The following IKZF2 variants were observed in gnomAD, a reference collection of about 807,000 sequenced individuals.
IKZF2 encodes the protein IKAROS family zinc finger 2, also known as zinc finger protein Helios.
A neutral mutation model predicts 49.2 loss-of-function variants in IKZF2; 15 were observed. The observed-to-expected ratio is 0.30, with a 90% CI of 0.20 to 0.47. IKZF2 has a LOEUF of 0.47. Ranked by LOEUF, IKZF2 falls within the 20% of genes least tolerant of loss-of-function variation. The pLI is 1.00. For missense variants in IKZF2, 567 were observed against 664.6 expected (o/e 0.85, Z 1.61); for synonymous variants, 227 against 221.4 (o/e 1.03, Z -0.23).
Position 213,001,380 on chromosome 2 carries a change from T to A in IKZF2, c.*5980A>T, listed in dbSNP as rs1694890915. 2 of 151,942 alleles carry A rather than the reference T, an allele frequency of 1.3e-5. No individual in the cohort carries two copies. The highest frequency in any genetic ancestry group is 3.0e-5 in the Non-Finnish European group (2 of 67,586). 9.4% of individuals were successfully genotyped at this position (151,942 alleles called of 1,614,324 possible). A position where few individuals can be genotyped will look rare whatever the true frequency, so the allele number is the denominator to read the frequency against. ...ACTGTCTAGTCTTTCATGATATACATTTTTTGGAGGAAAGCCAAATCAGAA... is the reference window on the plus strand; with the variant it reads ...ACTGTCTAGTCTTTCATGATATACAATTTTTGGAGGAAAGCCAAATCAGAA... On this transcript the variant is annotated 3_prime_UTR_variant, in exon 9 of 9. Coordinates refer to ENST00000434687, the MANE Select transcript of IKZF2 (RefSeq NM_001387220.1).
At chr2:213,090,104 G>A (rs750895064) in intron 4 of IKZF2, among the ~76,000 whole-genome samples, 1 of 152,176 alleles carries the variant, frequency 6.6e-6, no homozygotes, top group Non-Finnish European at 1.5e-5. Flanking sequence ...GACCTCCTGA[G>A]CTGTGGATGC....
At chr2:213,100,427 C>T (rs1029038922) in intron 4 of IKZF2, among the ~76,000 whole-genome samples, 3 of 151,894 alleles carry the variant, frequency 2.0e-5, no homozygotes, top group African/African-American at 7.3e-5. Flanking sequence ...ACTAAAAATC[C>T]TTATTAATGG....
chr2:213,058,281 G>A (rs1208629731), intron 4 of IKZF2, among the ~76,000 whole-genome samples: 1 of 152,168 alleles, frequency 6.6e-6, no homozygotes, highest in East Asian at 1.9e-4. Context: ...TGTTTGCAAA[G>A]TACAGATGAA....
intron 4 of IKZF2, among the ~76,000 whole-genome samples, chr2:213,084,506 C>T (rs1305647816): frequency 6.6e-6 from 1 of 150,642 alleles, no homozygotes; most frequent in African/African-American, 2.4e-5. Context: ...AGGAAATGAA[C>T]ATATATGAAA....
intron 4 of IKZF2, among the ~76,000 whole-genome samples, chr2:213,118,574 T>C (rs2125817979): frequency 6.6e-6 from 1 of 152,368 alleles, no homozygotes; most frequent in East Asian, 1.9e-4. Context: ...TCAAAGTTCT[T>C]GTTTAGCTTT....
At chr2:213,142,070 G>A (rs998249527) in intron 4 of IKZF2, among the ~76,000 whole-genome samples, 1 of 151,916 alleles carries the variant, frequency 6.6e-6, no homozygotes, top group African/African-American at 2.4e-5. Context: ...GACTCTCTAA[G>A]AATTGATTCT....
intron 4 of IKZF2, among the ~76,000 whole-genome samples, chr2:213,142,048 AT>A (rs1255530090): frequency 2.6e-5 from 4 of 152,006 alleles, no homozygotes; most frequent in African/African-American, 9.7e-5. Context: ...ATGAGGTTAG[AT>A]TTTAGATGAG....
chr2:213,077,446 A>G (rs916154867), intron 4 of IKZF2, among the ~76,000 whole-genome samples: 3 of 152,170 alleles, frequency 2.0e-5, no homozygotes, highest in African/African-American at 7.2e-5. Context: ...AATGCTGTCA[A>G]TCAACAAAAT....
chr2:213,031,424 C>T (rs1298914883), intron 6 of IKZF2, among the ~76,000 whole-genome samples: 1 of 152,134 alleles, frequency 6.6e-6, no homozygotes, highest in Non-Finnish European at 1.5e-5. Flanking sequence ...TGTATGGGAC[C>T]TTTAAAGTAA....
At position 213,079,687 on chromosome 2, in the gene IKZF2, C is replaced by T. The variant is rs548594238; in HGVS notation, c.140-22588G>A. Reference sequence around the variant, plus strand: ...CAGTTGGGCAGGATACATTTGCCAGCCCAAGTAAAAATATGATTAAAATAG... The same window carrying T: ...CAGTTGGGCAGGATACATTTGCCAGTCCAAGTAAAAATATGATTAAAATAG... On this transcript the variant is annotated intron_variant, in intron 4 of 8. Transcript: ENST00000434687. 2.0e-5 allele frequency among the ~76,000 whole-genome samples: 3 copies of T among 152,202 alleles called. No homozygotes were observed. The South Asian group carries it at 6.2e-4, about 32-fold the overall frequency.
chr2:213,141,088 C>T (rs984517996), intron 4 of IKZF2, among the ~76,000 whole-genome samples: 2 of 151,934 alleles, frequency 1.3e-5, no homozygotes, highest in African/African-American at 2.4e-5. Flanking sequence ...CTGACAGAAC[C>T]TACCACCACC....
chr2:213,080,630 C>G (rs1218128677), intron 4 of IKZF2, among the ~76,000 whole-genome samples: 1 of 152,096 alleles, frequency 6.6e-6, no homozygotes, highest in Non-Finnish European at 1.5e-5. Flanking sequence ...TCAGAAAAGA[C>G]TTTTAAATAT....
At chr2:213,009,234 C>G (rs1432426669) in intron 8 of IKZF2, among the ~76,000 whole-genome samples, 3 of 152,066 alleles carry the variant, frequency 2.0e-5, no homozygotes, top group Non-Finnish European at 2.9e-5. Flanking sequence ...TATTTTACAT[C>G]AACATAATGT....
Position 213,113,934 on chromosome 2 carries a change from C to T in IKZF2, c.139+33774G>A, listed in dbSNP as rs560357928. On this transcript the variant is annotated intron_variant, in intron 4 of 8. Coordinates refer to ENST00000434687, the MANE Select transcript of IKZF2 (RefSeq NM_001387220.1). ...AAGGATGACAAGTGCTAGCAATGGC[C>T]AGAATGCCTATCTCCCACTGCAACT... Among the ~76,000 whole-genome samples, 4 of 152,206 alleles carry T rather than the reference C, an allele frequency of 2.6e-5. No homozygotes were observed. The East Asian group carries it at 7.7e-4, about 29-fold the overall frequency.
At chr2:213,142,274 C>A (rs1304888964) in intron 4 of IKZF2, among the ~76,000 whole-genome samples, 1 of 151,822 alleles carries the variant, frequency 6.6e-6, no homozygotes, top group Non-Finnish European at 1.5e-5. Flanking sequence ...TCTTTCTTAA[C>A]CAAAATCTTC....
intron 4 of IKZF2, among the ~76,000 whole-genome samples, chr2:213,070,607 T>C (rs1249757937): frequency 2.0e-5 from 3 of 152,136 alleles, no homozygotes. Context: ...CACTAGACAC[T>C]GTTAAGTATT....
chr2:213,079,982 A>C (rs1703749746), intron 4 of IKZF2, among the ~76,000 whole-genome samples: 1 of 152,204 alleles, frequency 6.6e-6, no homozygotes, highest in African/African-American at 2.4e-5. Context: ...CCAATTACCT[A>C]ATCTGATAAA....
At chr2:213,038,646 T>C (rs550859767) in intron 6 of IKZF2, among the ~76,000 whole-genome samples, 1 of 150,278 alleles carries the variant, frequency 6.7e-6, no homozygotes, top group African/African-American at 2.4e-5. Flanking sequence ...AAAAGAATTA[T>C]AAGAAAGACA....
intron 8 of IKZF2, among the ~76,000 whole-genome samples, chr2:213,012,738 G>C (rs957829476): frequency 6.6e-6 from 1 of 151,914 alleles, no homozygotes; most frequent in Non-Finnish European, 1.5e-5. Context: ...CCTTCTTTAA[G>C]TGTTTATTGA....
Sources: allele counts gnomAD v4.1 joint callset (sites outside exome capture counted in the v4.1 genomes callset), GRCh38; gene constraint gnomAD v4.1.1; transcripts MANE v1.5; gene names NCBI Gene and HGNC (gene_info 2026-07-23, HGNC 2026-07-21).